DYRK1A: variants seen among roughly 807,000 people sequenced by gnomAD.
DYRK1A encodes the protein dual specificity tyrosine-phosphorylation-regulated kinase 1A.
Under a neutral mutation model 79.7 loss-of-function variants are expected in DYRK1A, and 9 were observed. The observed-to-expected ratio is 0.11, with a 90% CI of 0.07 to 0.20. The LOEUF is 0.20. DYRK1A is among the 10% of genes least tolerant of loss of function. The pLI is 1.00. For missense variants in DYRK1A, 622 were observed against 956.0 expected, an observed-to-expected ratio of 0.65 and a Z score of 4.61; for synonymous variants, 349 against 329.7, an observed-to-expected ratio of 1.06 and a Z score of -0.63.
intron 2 of DYRK1A, among the ~76,000 whole-genome samples, chr21:37,433,667 A>AT (rs1307086707): frequency 6.6e-6 from 1 of 152,196 alleles, no homozygotes; most frequent in Non-Finnish European, 1.5e-5. Context: ...TTCGACAGTG[A>AT]TTTTCAAACC....
intron 1 of DYRK1A, among the ~76,000 whole-genome samples, chr21:37,407,358 A>T (rs991276922): frequency 3.3e-5 from 5 of 151,744 alleles, no homozygotes; most frequent in Non-Finnish European, 5.9e-5. Flanking sequence ...TCAGGTGTGG[A>T]GTTTTTCACT....
chr21:37,400,262 A>G (rs2050028833), intron 1 of DYRK1A, among the ~76,000 whole-genome samples: 1 of 152,186 alleles, frequency 6.6e-6, no homozygotes, highest in African/African-American at 2.4e-5. Flanking sequence ...GCCCACCTTG[A>G]TGATGAAGGA....
Position 37,492,310 on chromosome 21 carries a change from T to G in DYRK1A, c.925-707T>G, listed in dbSNP as rs114872038. 6.5e-3 allele frequency among the ~76,000 whole-genome samples: 989 copies of G among 152,354 alleles called. 10 individuals carry two copies. The highest frequency in any genetic ancestry group is 0.023 in the African/African-American group (945 of 41,580). On this transcript the variant is annotated intron_variant, in intron 7 of 11. Coordinates refer to ENST00000647188, the MANE Select transcript of DYRK1A (RefSeq NM_001347721.2). The stretch of plus-strand genomic sequence containing the variant: ...CTGCATGGTTTGGGTGTTAGGAAAT[T>G]TAGTTAGGATTTTATTTCTTTTCCA...
At chr21:37,432,555 A>C (rs551764918) in intron 2 of DYRK1A, among the ~76,000 whole-genome samples, 3 of 152,330 alleles carry the variant, frequency 2.0e-5, no homozygotes, top group African/African-American at 7.2e-5. Flanking sequence ...GATGGCTTCA[A>C]ATTGAAAAAT....
rs1235503134 is a variant in DYRK1A, at chr21:37,522,788, C to T, written c.*10257C>T. 6.6e-6 allele frequency: 1 copy of T among 152,326 alleles called. No homozygotes were observed. The highest frequency in any genetic ancestry group is 1.5e-5 in the Non-Finnish European group (1 of 68,108). 9.4% of individuals were successfully genotyped at this position (152,326 alleles called of 1,614,324 possible). ...ATGCAATGCTGCTTCCTCCTTCCTTCTCAAAAGCCTGCTCTTTGCCCATTT... is the reference window on the plus strand; with the variant it reads ...ATGCAATGCTGCTTCCTCCTTCCTTTTCAAAAGCCTGCTCTTTGCCCATTT... On this transcript the variant is annotated 3_prime_UTR_variant, in exon 12 of 12. Coordinates refer to ENST00000647188, the MANE Select transcript of DYRK1A (RefSeq NM_001347721.2).
intron 2 of DYRK1A, among the ~76,000 whole-genome samples, chr21:37,471,413 C>A (rs1296760396): frequency 6.6e-6 from 1 of 152,136 alleles, no homozygotes; most frequent in Non-Finnish European, 1.5e-5. Context: ...GAGTGTGTGC[C>A]ACATTCAGGT....
intron 2 of DYRK1A, among the ~76,000 whole-genome samples, chr21:37,439,615 C>CACTCTG (rs2051030492): frequency 6.6e-6 from 1 of 152,170 alleles, no homozygotes; most frequent in Admixed American, 6.5e-5. Flanking sequence ...TTGCGTGCTT[C>CACTCTG]TTATGAGAGT....
chr21:37,438,680 T>C (rs1457725931), intron 2 of DYRK1A, among the ~76,000 whole-genome samples: 1 of 152,226 alleles, frequency 6.6e-6, no homozygotes, highest in African/African-American at 2.4e-5. Flanking sequence ...GTTCCATTAA[T>C]CTATTTGTCC....
At chr21:37,439,295 C>A (rs1050904998) in intron 2 of DYRK1A, among the ~76,000 whole-genome samples, 2 of 152,124 alleles carry the variant, frequency 1.3e-5, no homozygotes, top group African/African-American at 2.4e-5. Flanking sequence ...TCTTGCCGTT[C>A]TACATTGGCT....
rs2053855081 is a variant in DYRK1A at position 37,514,822 on chromosome 21, C to CAT, written c.*2294_*2295dup. 6.6e-6 allele frequency: 1 copy of CAT among 152,426 alleles called. No homozygotes were observed. Among genetic ancestry groups the CAT allele is most frequent in the Admixed American group, 6.5e-5 (1 of 15,270 alleles). The allele number at this position is 152,426 out of a possible 1,614,324, so 9.4% of individuals were successfully genotyped here. ...GTTTAGGAATATAAGGTTAAGATATCATATGGGTCAGGTCATTTTTTTTTT... is the reference window on the plus strand; with the variant it reads ...GTTTAGGAATATAAGGTTAAGATATCATATATGGGTCAGGTCATTTTTTTTTT... On this transcript the variant is annotated 3_prime_UTR_variant, in exon 12 of 12. Transcript: ENST00000647188.
chr21:37,424,259 A>G, intron 2 of DYRK1A, among the ~76,000 whole-genome samples: 1 of 152,078 alleles, frequency 6.6e-6, no homozygotes, highest in East Asian at 1.9e-4. Flanking sequence ...TTTCTTACTG[A>G]TTCAATAAAT....
chr21:37,496,113 T>A lies in DYRK1A; in HGVS notation c.1072-5T>A, dbSNP rs764334809. 6.3e-7 allele frequency: 1 copy of A among 1,598,788 alleles called. No individual in the cohort carries two copies. Among genetic ancestry groups the A allele is most frequent in the South Asian group, 1.1e-5 (1 of 87,578 alleles). On this transcript the variant is annotated splice_region_variant and splice_polypyrimidine_tract_variant and intron_variant, in intron 8 of 11. Coordinates refer to ENST00000647188, the MANE Select transcript of DYRK1A (RefSeq NM_001347721.2). ...CAGGTTTTGTTGTTTTTATTTTTAATACAGGTAGATCAGATGAATAAAATA... is the reference window on the plus strand; with the variant it reads ...CAGGTTTTGTTGTTTTTATTTTTAAAACAGGTAGATCAGATGAATAAAATA...
chr21:37,388,770 G>T (rs190153072), intron 1 of DYRK1A, among the ~76,000 whole-genome samples: 1 of 150,688 alleles, frequency 6.6e-6, no homozygotes, highest in Non-Finnish European at 1.5e-5. Context: ...TCAGCCTCCC[G>T]AGTAGCTGAG....
intron 2 of DYRK1A, among the ~76,000 whole-genome samples, chr21:37,420,753 T>C (rs2050453251): frequency 6.6e-6 from 1 of 152,048 alleles, no homozygotes; most frequent in Non-Finnish European, 1.5e-5. Context: ...GGAGTAGATG[T>C]TAGTAGGATA....
intron 1 of DYRK1A, among the ~76,000 whole-genome samples, chr21:37,415,081 C>T (rs1347259238): frequency 6.6e-6 from 1 of 152,238 alleles, no homozygotes; most frequent in East Asian, 1.9e-4. Flanking sequence ...AGGCATTTCC[C>T]TCCTGTTTTC....
At chr21:37,486,301 T>A in intron 5 of DYRK1A, 166 bp from the exon 6 acceptor site, 1 of 424,898 alleles carries the variant, frequency 2.4e-6, no homozygotes, top group Non-Finnish European at 4.1e-6. Flanking sequence ...AGTGGATATA[T>A]ATTGAATAGA....
At chr21:37,499,054 C>CTGTGG (rs2053360784) in intron 9 of DYRK1A, among the ~76,000 whole-genome samples, 1 of 152,064 alleles carries the variant, frequency 6.6e-6, no homozygotes, top group Admixed American at 6.6e-5. Context: ...TTTCCCTAGA[C>CTGTGG]TGTGGCTTTG....
intron 1 of DYRK1A, among the ~76,000 whole-genome samples, chr21:37,408,840 G>A (rs1030034031): frequency 4.6e-5 from 7 of 152,230 alleles, no homozygotes; most frequent in African/African-American, 1.7e-4. Context: ...TGTATTGACA[G>A]TCAGCTGTAG....
chr21:37,368,384 G>A (rs1484606698), intron 1 of DYRK1A, among the ~76,000 whole-genome samples: 1 of 152,228 alleles, frequency 6.6e-6, no homozygotes, highest in African/African-American at 2.4e-5. Flanking sequence ...CAAAGCTGCT[G>A]AGTAGCTCAG....
Sources: allele counts gnomAD v4.1 joint callset (sites outside exome capture counted in the v4.1 genomes callset), GRCh38; gene constraint gnomAD v4.1.1; transcripts MANE v1.5; gene names NCBI Gene and HGNC (gene_info 2026-07-23, HGNC 2026-07-21).